The following EVC2 variants were observed in gnomAD, a reference collection of about 807,000 sequenced individuals.
EVC2 encodes the protein limbin.
In EVC2, 148 loss-of-function variants were observed where a neutral mutation model predicts 149.3. That is an observed-to-expected ratio of 0.99 (90% CI 0.87 to 1.14). The LOEUF is 1.14. Among genes scored for constraint, EVC2 ranks in the 50% most tolerant of loss-of-function variants. EVC2 has a pLI of 0.00. For synonymous variants in EVC2, 776 were observed against 649.9 expected (o/e 1.19, Z -2.95); for missense variants, 1,854 against 1,627.3 (o/e 1.14, Z -2.40).
At chr4:5,644,292 T>G (rs6810543) in intron 9 of EVC2, among the ~76,000 whole-genome samples, 59,147 of 151,924 alleles carry the variant, frequency 0.39, 11,665 homozygotes, top group East Asian at 0.48. Context: ...CATATATAAT[T>G]TACCATCTTT....
chr4:5,633,013 G>A lies in EVC2; in HGVS notation c.1471-981C>T, dbSNP rs970295699. ...AGGGTGTCTTGATGATGTAATTAAG[G>A]TCACTAATCAGTTGACTTTGAATTA... On this transcript the variant is annotated intron_variant, in intron 10 of 21. Coordinates refer to ENST00000344408, the MANE Select transcript of EVC2 (RefSeq NM_147127.5). The surrounding 1 kb of genome is among the most constrained non-coding windows in gnomAD (Gnocchi z 4.4). Among the ~76,000 whole-genome samples the A allele has an allele frequency of 6.6e-6, 1 of 152,156 alleles. No homozygotes were observed. Among genetic ancestry groups the A allele is most frequent in the African/African-American group, 2.4e-5 (1 of 41,426 alleles).
chr4:5,598,108 A>T (rs1167839990), intron 16 of EVC2, among the ~76,000 whole-genome samples: 4 of 150,158 alleles, frequency 2.7e-5, no homozygotes, highest in African/African-American at 4.9e-5. Flanking sequence ...GCTCATGGGT[A>T]GGAAGAATCA....
intron 9 of EVC2, among the ~76,000 whole-genome samples, chr4:5,662,055 G>C (rs537754564): frequency 1.8e-4 from 27 of 152,228 alleles, no homozygotes; most frequent in African/African-American, 6.0e-4. Context: ...CACATCACCT[G>C]GTCTGGCCTC....
chr4:5,634,506 G>A (rs1248594194), intron 10 of EVC2, among the ~76,000 whole-genome samples: 1 of 152,104 alleles, frequency 6.6e-6, no homozygotes, highest in Non-Finnish European at 1.5e-5. Context: ...GCTTCTCACA[G>A]GCAAGATAAA....
intron 21 of EVC2, among the ~76,000 whole-genome samples, chr4:5,547,817 T>C (rs1317840500): frequency 1.3e-5 from 2 of 152,098 alleles, no homozygotes; most frequent in African/African-American, 2.4e-5. Flanking sequence ...TTGCTCGCCA[T>C]GTTGTGGTTG....
At chr4:5,599,118 T>C (rs1318986201) in intron 16 of EVC2, among the ~76,000 whole-genome samples, 3 of 152,004 alleles carry the variant, frequency 2.0e-5, no homozygotes, top group Non-Finnish European at 2.9e-5. Flanking sequence ...TTTACACTGT[T>C]GGTGGGACTG....
Position 5,633,560 on chromosome 4 carries a change from C to T in EVC2, c.1471-1528G>A, listed in dbSNP as rs1577185708. 1.3e-5 allele frequency among the ~76,000 whole-genome samples: 2 copies of T among 152,346 alleles called. No individual in the cohort carries two copies. The highest frequency in any genetic ancestry group is 4.1e-4 in the South Asian group (2 of 4,828). ...GCTCTGAAACCACTCAAGGCAGTGACAGTGGAGCTTGTTGGTGAAGCGAAG... is the reference window on the plus strand; with the variant it reads ...GCTCTGAAACCACTCAAGGCAGTGATAGTGGAGCTTGTTGGTGAAGCGAAG... On this transcript the variant is annotated intron_variant, in intron 10 of 21. Transcript: ENST00000344408. This position sits in a 1 kb window ranked among gnomAD's most constrained non-coding sequence, Gnocchi z 4.4.
intron 9 of EVC2, among the ~76,000 whole-genome samples, chr4:5,650,233 C>A (rs1718008648): frequency 6.6e-6 from 1 of 152,098 alleles, no homozygotes; most frequent in Non-Finnish European, 1.5e-5. Context: ...CTACTCCACC[C>A]ACTGGCCAGA....
At chr4:5,646,182 C>A (rs1482057662) in intron 9 of EVC2, among the ~76,000 whole-genome samples, 1 of 152,194 alleles carries the variant, frequency 6.6e-6, no homozygotes, top group African/African-American at 2.4e-5. Flanking sequence ...CCACCTCCCT[C>A]GGTCTCCCAA....
At chr4:5,579,575 C>T (rs1577112048) in intron 17 of EVC2, among the ~76,000 whole-genome samples, 2 of 152,298 alleles carry the variant, frequency 1.3e-5, no homozygotes, top group African/African-American at 4.8e-5. Flanking sequence ...GGCGTGGTAG[C>T]TCACACCTGT....
upstream of EVC2, chr4:5,708,885 A>T (rs1316453569): frequency 1.3e-4 from 25 of 186,718 alleles, no homozygotes; most frequent in Admixed American, 1.4e-3. Flanking sequence ...TTCCTGACAC[A>T]CGGATGTGAA....
chr4:5,563,874 G>A (rs1272729049), intron 21 of EVC2, among the ~76,000 whole-genome samples: 2 of 152,076 alleles, frequency 1.3e-5, no homozygotes, highest in Admixed American at 6.5e-5. Context: ...GGCAAAATGC[G>A]TTTGCCATAG....
At position 5,569,275 on chromosome 4, in the gene EVC2, G is replaced by A. The variant is rs1039750456; in HGVS notation, c.3361-635C>T. Among the ~76,000 whole-genome samples the A allele has an allele frequency of 6.6e-6, 1 of 152,204 alleles. No homozygotes were observed. The highest frequency in any genetic ancestry group is 2.4e-5 in the African/African-American group (1 of 41,458). On this transcript the variant is annotated intron_variant, in intron 19 of 21. Coordinates refer to ENST00000344408, the MANE Select transcript of EVC2 (RefSeq NM_147127.5). The surrounding 1 kb of genome is among the most constrained non-coding windows in gnomAD (Gnocchi z 4.8). ...GGTGTGGCCTTAAAGGGGCAGCCCA[G>A]GGTGGCCTTTGTGGTGGTTGACAGC...
rs947825919 is a variant in EVC2 at position 5,597,059 on chromosome 4, C to T, written c.2830-12209G>A. Reference sequence around the variant, plus strand: ...AATAGACTAATAACAGGCTCTGAAACTGTGGCAATAATCAATAGCTTACCA... The same window carrying T: ...AATAGACTAATAACAGGCTCTGAAATTGTGGCAATAATCAATAGCTTACCA... On this transcript the variant is annotated intron_variant, in intron 16 of 21. Coordinates refer to ENST00000344408, the MANE Select transcript of EVC2 (RefSeq NM_147127.5). Among the ~76,000 whole-genome samples, 11 of 152,252 alleles carry T rather than the reference C, an allele frequency of 7.2e-5. No homozygotes were observed. The East Asian group carries it at 2.1e-3, about 29-fold the overall frequency.
intron 1 of EVC2, among the ~76,000 whole-genome samples, chr4:5,703,359 T>A (rs185701901): frequency 1.6e-4 from 24 of 152,342 alleles, no homozygotes; most frequent in Admixed American, 1.6e-3. Flanking sequence ...GGAATGTGAA[T>A]CTGAAAGCTG....
rs1193370351 is a variant in EVC2, at chr4:5,622,645, C to T, written c.2393G>A (p.Arg798Lys). 1 of 1,614,088 alleles carries T rather than the reference C, an allele frequency of 6.2e-7. No individual in the cohort carries two copies. Among genetic ancestry groups the T allele is most frequent in the East Asian group, 2.2e-5 (1 of 44,832 alleles). The change falls in exon 14 of 22, where the codon AGG (arginine) becomes AAG (lysine). Residue 798 changes from arginine to lysine, a missense_variant. Transcript: ENST00000344408. The surrounding 1 kb of genome is among the most constrained non-coding windows in gnomAD (Gnocchi z 5.8). ...AEQLEGEERDRDQEGVQSVRQ... is the reference protein window; with the variant it reads ...AEQLEGEERDKDQEGVQSVRQ... Reference sequence around the variant, plus strand: ...CACGCTCTGGACACCCTCCTGGTCCCTGTCCCTCTCCTCCCCCTCCAGCTG... The same window carrying T: ...CACGCTCTGGACACCCTCCTGGTCCTTGTCCCTCTCCTCCCCCTCCAGCTG...
At chr4:5,692,209 G>A (rs556137824) in intron 3 of EVC2, among the ~76,000 whole-genome samples, 92 of 152,182 alleles carry the variant, frequency 6.0e-4, no homozygotes, top group African/African-American at 2.2e-3. Flanking sequence ...GTTTATTTTT[G>A]TAGAGATGGG....
chr4:5,626,326 T>C (rs1388992611), intron 12 of EVC2, among the ~76,000 whole-genome samples: 3 of 125,654 alleles, frequency 2.4e-5, no homozygotes, highest in East Asian at 2.1e-4. Context: ...TGAAACGTTC[T>C]TCTTGTTTTT....
At chr4:5,533,431 T>C in the EVC2 span, among the ~76,000 whole-genome samples, 2 of 150,770 alleles carry the variant, frequency 1.3e-5, no homozygotes, top group African/African-American at 2.4e-5. Context: ...GGAGGAGAGG[T>C]CGGGCAAGGA....
Sources: allele counts gnomAD v4.1 joint callset (sites outside exome capture counted in the v4.1 genomes callset), GRCh38; gene constraint gnomAD v4.1.1; non-coding constraint Gnocchi (gnomAD v3.1); transcripts MANE v1.5; gene names NCBI Gene and HGNC (gene_info 2026-07-23, HGNC 2026-07-21).